The following POLR2F variants were observed in gnomAD, a reference collection of about 807,000 sequenced individuals.
POLR2F encodes DNA-directed RNA polymerases I, II, and III subunit RPABC2.
Under a neutral mutation model 22.7 loss-of-function variants are expected in POLR2F, and 12 were observed. The observed-to-expected ratio is 0.53, with a 90% CI of 0.34 to 0.86. The LOEUF is 0.86. POLR2F is among the 40% of genes least tolerant of loss of function. The pLI is 0.02. For synonymous variants in POLR2F, 57 were observed against 66.0 expected (o/e 0.86, Z 0.66); for missense variants, 126 against 171.5 (o/e 0.73, Z 1.48).
At chr22:38,020,448 T>G (rs2145819870) in intron 1 of POLR2F, among the ~76,000 whole-genome samples, 1 of 150,690 alleles carries the variant, frequency 6.6e-6, no homozygotes, top group African/African-American at 2.4e-5. Flanking sequence ...TTTTTTTTTT[T>G]TTGTATTTTT....
chr22:37,986,032 T>A, upstream of POLR2F: 175 of 879,318 alleles, frequency 2.0e-4, no homozygotes, highest in East Asian at 6.4e-4. The surrounding 1 kb of genome is among the most constrained non-coding windows in gnomAD (Gnocchi z 4.7). Context: ...CCCGCCTCCC[T>A]TCTCTTCCCT....
At chr22:38,027,620 C>T (rs2085026274), downstream of POLR2F, among the ~76,000 whole-genome samples, 1 of 152,122 alleles carries the variant, frequency 6.6e-6, no homozygotes, top group African/African-American at 2.4e-5. Flanking sequence ...GAGCTTGGCC[C>T]CCAACAATCC....
downstream of POLR2F, chr22:37,972,760 C>G (rs1932097223): frequency 6.4e-6 from 1 of 156,432 alleles, no homozygotes; most frequent in Non-Finnish European, 1.4e-5. Flanking sequence ...CCTGGAGCCC[C>G]TGCCTCGTCA....
chr22:38,012,202 C>T (rs1468464689), intron 1 of POLR2F, among the ~76,000 whole-genome samples: 1 of 151,890 alleles, frequency 6.6e-6, no homozygotes, highest in East Asian at 1.9e-4. Context: ...GTGCCTCAGC[C>T]TCCCCAGTAG....
intron 5 of POLR2F, among the ~76,000 whole-genome samples, chr22:38,039,313 A>C (rs1442013504): frequency 6.6e-6 from 1 of 152,204 alleles, no homozygotes; most frequent in Non-Finnish European, 1.5e-5. Flanking sequence ...AGCCAGCGAG[A>C]GAATGAAGAG....
Position 37,980,592 on chromosome 22 carries a change from C to T in POLR2F, c.293+13422C>T, listed in dbSNP as rs1032884739. ...ACCTCCACCCCAACCCCAAGCCCAG[C>T]CTGCCCACCATGTAAACCCAATCTC... On this transcript the variant is annotated intron_variant, in intron 4 of 4. Coordinates refer to the POLR2F transcript ENST00000405557. This position sits in a 1 kb window ranked among gnomAD's most constrained non-coding sequence, Gnocchi z 4.1. Among the ~76,000 whole-genome samples the T allele has an allele frequency of 6.6e-6, 1 of 152,182 alleles. No homozygotes were observed. The highest frequency in any genetic ancestry group is 1.5e-5 in the Non-Finnish European group (1 of 68,028).
At chr22:37,973,361 G>T, downstream of POLR2F, 1 of 643,186 alleles carries the variant, frequency 1.6e-6, no homozygotes, top group South Asian at 2.0e-5. Context: ...CAGACAGAAA[G>T]CCCCCCGACC....
chr22:37,986,132 C>T (rs1312932381), upstream of POLR2F: 2 of 1,507,964 alleles, frequency 1.3e-6, no homozygotes, highest in South Asian at 1.2e-5. The surrounding 1 kb of genome is among the most constrained non-coding windows in gnomAD (Gnocchi z 4.7). Context: ...AACACACACA[C>T]ACATAAAAAG....
upstream of POLR2F, among the ~76,000 whole-genome samples, chr22:37,984,789 G>A (rs1932522878): frequency 6.6e-6 from 1 of 152,248 alleles, no homozygotes; most frequent in South Asian, 2.1e-4. The surrounding 1 kb of genome is among the most constrained non-coding windows in gnomAD (Gnocchi z 4.4). Context: ...AGGTTAGGCC[G>A]AGGAAGGAAG....
chr22:38,016,562 G>A lies in POLR2F; in HGVS notation c.121-9307G>A, dbSNP rs1437921941. On this transcript the variant is annotated intron_variant, in intron 1 of 2. Transcript: ENST00000333418. The surrounding 1 kb of genome is among the most constrained non-coding windows in gnomAD (Gnocchi z 4.4). ...GCTGCTTGGCAGGACTTGGTGGGGT[G>A]GGGGCTTAGAAGCAGCTGCGCGCGA... 1.3e-5 allele frequency among the ~76,000 whole-genome samples: 2 copies of A among 152,218 alleles called. No homozygotes were observed. Among genetic ancestry groups the A allele is most frequent in the Non-Finnish European group, 2.9e-5 (2 of 68,042 alleles).
At chr22:38,002,372 G>C (rs140071227) in intron 1 of POLR2F, among the ~76,000 whole-genome samples, 1 of 152,156 alleles carries the variant, frequency 6.6e-6, no homozygotes. Context: ...AGCATGTGAC[G>C]TGGGTACATT....
At chr22:37,971,903 T>C (rs1287137158), downstream of POLR2F, among the ~76,000 whole-genome samples, 3 of 151,896 alleles carry the variant, frequency 2.0e-5, no homozygotes, top group Non-Finnish European at 4.4e-5. Flanking sequence ...CCCTGCAGTG[T>C]GGGGCATAGC....
At chr22:38,041,059 A>G (rs756253352) in intron 5 of POLR2F, 24 of 1,612,724 alleles carry the variant, frequency 1.5e-5, no homozygotes, top group African/African-American at 1.1e-4. Context: ...TCCCTGTGTT[A>G]TTTTCCAGGA....
chr22:37,997,825 C>T lies in POLR2F; in HGVS notation c.120+11513C>T, dbSNP rs560484311. ...CACCTCCTGTGAGCCCACAGCTCACCGTCTGTCGAGGGGGGACAGGCAGGA... is the reference window on the plus strand; with the variant it reads ...CACCTCCTGTGAGCCCACAGCTCACTGTCTGTCGAGGGGGGACAGGCAGGA... On this transcript the variant is annotated intron_variant, in intron 1 of 2. Transcript: ENST00000333418. The surrounding 1 kb of genome is among the most constrained non-coding windows in gnomAD (Gnocchi z 4.4). 4.6e-5 allele frequency among the ~76,000 whole-genome samples: 7 copies of T among 152,148 alleles called. No individual in the cohort carries two copies. In the South Asian group the frequency reaches 1.4e-3, roughly 32 times the overall value.
At chr22:37,965,169 C>T (rs1375576085) in intron 3 of POLR2F, among the ~76,000 whole-genome samples, 2 of 151,908 alleles carry the variant, frequency 1.3e-5, no homozygotes, top group Non-Finnish European at 2.9e-5. Flanking sequence ...CCACGGCCGG[C>T]TAATTTTTTG....
chr22:38,020,049 G>A (rs550525451), intron 1 of POLR2F, among the ~76,000 whole-genome samples: 23 of 151,482 alleles, frequency 1.5e-4, no homozygotes, highest in Non-Finnish European at 3.1e-4. Flanking sequence ...AAATAAAACA[G>A]AAGTCCAGGT....
Position 38,018,153 on chromosome 22 carries a change from C to A in POLR2F, c.121-7716C>A, listed in dbSNP as rs557878188. 1.3e-4 allele frequency among the ~76,000 whole-genome samples: 20 copies of A among 152,296 alleles called. No individual in the cohort carries two copies. In the East Asian group the frequency reaches 3.7e-3, roughly 28 times the overall value. ...CCAGGGCAAGGGCTCAGGCTGTGAT[C>A]GAAACCAGGGCTCATCTGTGAACTT... On this transcript the variant is annotated intron_variant, in intron 1 of 2. Transcript: ENST00000333418.
At chr22:38,022,600 G>T (rs180808969) in intron 1 of POLR2F, among the ~76,000 whole-genome samples, 10 of 149,916 alleles carry the variant, frequency 6.7e-5, no homozygotes, top group African/African-American at 2.2e-4. Context: ...AATCTATTTA[G>T]TTCCTAAGTA....
downstream of POLR2F, among the ~76,000 whole-genome samples, chr22:37,972,041 A>C (rs565720815): frequency 7.0e-6 from 1 of 143,202 alleles, no homozygotes; most frequent in African/African-American, 2.6e-5. Context: ...AGACAGAAAG[A>C]GAGAGAGGAG....
Sources: gnomAD v4.1 joint callset for allele counts (sites outside exome capture counted in the v4.1 genomes callset) on GRCh38, gnomAD v4.1.1 for gene constraint, Gnocchi (gnomAD v3.1) non-coding constraint, MANE v1.5 for transcripts, NCBI Gene and HGNC (gene_info 2026-07-23, HGNC 2026-07-21) for gene names.